Variants in OR11A1 observed in about 807,000 individuals in gnomAD.
OR11A1 encodes the protein olfactory receptor 11A1.
For missense variants in OR11A1, 380 were observed against 378.2 expected (o/e 1.00, Z -0.04); for synonymous variants, 158 against 152.2 (o/e 1.04, Z -0.28).
intron 1 of OR11A1, among the ~76,000 whole-genome samples, chr6:29,443,063 G>C (rs1238943261): frequency 6.6e-6 from 1 of 152,150 alleles, no homozygotes; most frequent in Non-Finnish European, 1.5e-5. Context: ...ATATCTCAGT[G>C]ATAGGAATCA....
At chr6:29,451,541 G>A (rs887584204) in intron 1 of OR11A1, among the ~76,000 whole-genome samples, 2 of 151,954 alleles carry the variant, frequency 1.3e-5, no homozygotes, top group Non-Finnish European at 1.5e-5. Context: ...GAACAGACAC[G>A]TCTCAAAAGA....
chr6:29,432,214 C>G (rs186211344), intron 1 of OR11A1: 1 of 154,720 alleles, frequency 6.5e-6, no homozygotes, highest in African/African-American at 2.4e-5. Context: ...ATGAGCAAGA[C>G]ATAGCAGGCC....
At chr6:29,436,786 G>T (rs1783657868) in intron 1 of OR11A1, among the ~76,000 whole-genome samples, 1 of 152,194 alleles carries the variant, frequency 6.6e-6, no homozygotes, top group African/African-American at 2.4e-5. Flanking sequence ...TAAAACCCTG[G>T]CCTAGTTCAG....
chr6:29,445,352 T>C (rs1356449662), intron 1 of OR11A1, among the ~76,000 whole-genome samples: 2 of 151,812 alleles, frequency 1.3e-5, no homozygotes, highest in Non-Finnish European at 2.9e-5. Context: ...GAAGTGACTG[T>C]GGCATCAGGG....
chr6:29,446,600 A>G (rs1332526397), intron 1 of OR11A1, among the ~76,000 whole-genome samples: 1 of 152,240 alleles, frequency 6.6e-6, no homozygotes, highest in Non-Finnish European at 1.5e-5. Context: ...ATGTATGGAT[A>G]TAGTTAGAGA....
intron 1 of OR11A1, among the ~76,000 whole-genome samples, chr6:29,443,327 G>A (rs2523422): frequency 0.2 from 31,034 of 151,812 alleles, 4,035 homozygotes; most frequent in South Asian, 0.32. Flanking sequence ...CTGCTTCCCA[G>A]CACTATATTT....
chr6:29,432,871 T>C (rs1294307433), intron 1 of OR11A1, among the ~76,000 whole-genome samples: 1 of 152,194 alleles, frequency 6.6e-6, no homozygotes, highest in East Asian at 1.9e-4. Flanking sequence ...CTGAACTACG[T>C]TGTCTACTAT....
At chr6:29,442,783 C>T (rs546781379) in intron 1 of OR11A1, among the ~76,000 whole-genome samples, 4 of 152,378 alleles carry the variant, frequency 2.6e-5, no homozygotes, top group African/African-American at 9.6e-5. Flanking sequence ...TAGCGAGGAA[C>T]AGCATTTAAG....
At chr6:29,440,474 G>A (rs1339134479) in intron 1 of OR11A1, 5 of 1,613,792 alleles carry the variant, frequency 3.1e-6, no homozygotes, top group African/African-American at 2.7e-5. Context: ...GTGGGGTGCT[G>A]GTGGGGCTGG....
intron 1 of OR11A1, chr6:29,440,907 G>C (rs759033840): frequency 1.2e-6 from 2 of 1,613,412 alleles, no homozygotes; most frequent in Admixed American, 1.7e-5. Context: ...AGAGGTCAAA[G>C]CTGCCCTAAA....
rs184400859 is a variant in OR11A1 at position 29,425,945 on chromosome 6, A to G, written c.*749T>C. The G allele has an allele frequency of 2.2e-4, 34 of 152,316 alleles. No individual in the cohort carries two copies. The highest frequency in any genetic ancestry group is 1.9e-3 in the Admixed American group (29 of 15,304). 9.4% of individuals were successfully genotyped at this position (152,316 alleles called of 1,614,324 possible). On this transcript the variant is annotated 3_prime_UTR_variant, in exon 5 of 5. Transcript: ENST00000377149. ...AATTCCCAAAATAGAATAACAAATC[A>G]TGTTTAGCCATACGATGAAGCCCAG... is the stretch of plus-strand genomic sequence containing the variant.
chr6:29,445,110 G>A (rs907237637), intron 1 of OR11A1, among the ~76,000 whole-genome samples: 3 of 152,140 alleles, frequency 2.0e-5, no homozygotes, highest in Non-Finnish European at 1.5e-5. Flanking sequence ...GGTTTCAAGC[G>A]ATTCTCCTGC....
chr6:29,440,690 C>G, intron 1 of OR11A1: 1 of 1,614,176 alleles, frequency 6.2e-7, no homozygotes, highest in Non-Finnish European at 8.5e-7. Context: ...TTACCATCTT[C>G]CGGATCCCAT....
At chr6:29,437,184 C>T (rs1051572956) in intron 1 of OR11A1, among the ~76,000 whole-genome samples, 1 of 152,236 alleles carries the variant, frequency 6.6e-6, no homozygotes, top group Admixed American at 6.5e-5. Context: ...AATCCCATTA[C>T]TGGGTATATA....
intron 1 of OR11A1, among the ~76,000 whole-genome samples, chr6:29,444,901 C>T (rs890270960): frequency 6.6e-6 from 1 of 152,236 alleles, no homozygotes; most frequent in African/African-American, 2.4e-5. Context: ...CTCCTACCAA[C>T]CTTTCTCCCT....
intron 4 of OR11A1, among the ~76,000 whole-genome samples, 173 bp from the exon 5 acceptor site, chr6:29,427,905 A>T (rs1034789248): frequency 6.6e-6 from 1 of 152,172 alleles, no homozygotes; most frequent in Non-Finnish European, 1.5e-5. Flanking sequence ...ATCCAAACTC[A>T]TAATTTTAGT....
At chr6:29,434,640 G>A (rs1267407245) in intron 1 of OR11A1, among the ~76,000 whole-genome samples, 4 of 152,200 alleles carry the variant, frequency 2.6e-5, no homozygotes, top group Admixed American at 2.6e-4. Context: ...AGATGGGAAA[G>A]TCTGACTAAT....
At chr6:29,440,648 C>T (rs553886447) in intron 1 of OR11A1, 35 of 1,614,052 alleles carry the variant, frequency 2.2e-5, no homozygotes, top group Admixed American at 6.7e-5. Context: ...GCCCCTTTGG[C>T]CTCATCCTGG....
At chr6:29,441,115 C>T (rs193007733) in intron 1 of OR11A1, 22 of 592,638 alleles carry the variant, frequency 3.7e-5, no homozygotes, top group Admixed American at 5.9e-5. Context: ...ATGCGCTCCT[C>T]AGACCCTCAC....
Sources: gnomAD v4.1 joint callset for allele counts (sites outside exome capture counted in the v4.1 genomes callset) on GRCh38, gnomAD v4.1.1 for gene constraint, MANE v1.5 for transcripts, NCBI Gene and HGNC (gene_info 2026-07-23, HGNC 2026-07-21) for gene names.